Variants in UBE3C observed in about 807,000 individuals in gnomAD.
The protein encoded by UBE3C is ubiquitin-protein ligase E3C.
In UBE3C, 42 loss-of-function variants were observed where a neutral mutation model predicts 129.4. The observed-to-expected ratio is 0.32, with a 90% CI of 0.25 to 0.42. The LOEUF (loss-of-function observed/expected upper bound fraction) is 0.42, where lower values mean the gene tolerates loss of function less well. Ranked by LOEUF, UBE3C falls within the 10% of genes least tolerant of loss-of-function variation. The pLI, the probability that UBE3C is intolerant of heterozygous loss-of-function variation, is 1.00. For missense variants in UBE3C, 1,049 were observed against 1,319.1 expected (o/e 0.80, Z 3.17); for synonymous variants, 510 against 492.4 (o/e 1.04, Z -0.47).
chr7:157,143,141 A>G (rs889856802), intron 1 of UBE3C, among the ~76,000 whole-genome samples: 2 of 152,114 alleles, frequency 1.3e-5, no homozygotes, highest in Admixed American at 1.3e-4. Flanking sequence ...TGCTGGGATT[A>G]CAGGTATGAG....
At chr7:157,156,435 T>TA (rs1307219767) in intron 1 of UBE3C, among the ~76,000 whole-genome samples, 3 of 151,140 alleles carry the variant, frequency 2.0e-5, no homozygotes, top group Non-Finnish European at 4.4e-5. Context: ...GCCTTTCAAG[T>TA]AGCTGGGACT....
chr7:157,174,717 T>TA (rs1808468436), intron 4 of UBE3C, among the ~76,000 whole-genome samples: 1 of 152,126 alleles, frequency 6.6e-6, no homozygotes, highest in Non-Finnish European at 1.5e-5. Context: ...CTCCCAAAGT[T>TA]ACAGACGTGA....
chr7:157,219,412 T>C (rs553696533), intron 14 of UBE3C, among the ~76,000 whole-genome samples: 1 of 152,320 alleles, frequency 6.6e-6, no homozygotes, highest in East Asian at 1.9e-4. Context: ...GGCCTCTCAG[T>C]GATCGAGCAT....
chr7:157,197,509 G>GTTTT, intron 10 of UBE3C: 6 of 643,346 alleles, frequency 9.3e-6, no homozygotes, highest in South Asian at 4.4e-5. Context: ...AAAATAATTT[G>GTTTT]TTTTTTTTTT....
In UBE3C at chr7:157,155,661, T is replaced by G. The variant is rs147319704; in HGVS notation, c.67-8149T>G. On this transcript the variant is annotated intron_variant, in intron 1 of 22. Transcript: ENST00000348165. ...CTTTGTTACCACTAAATTTATTTAG[T>G]GAAGAAAGCATTTTCCCCCCATTTG... is the stretch of plus-strand genomic sequence containing the variant. Among the ~76,000 whole-genome samples, 697 of 152,336 alleles carry G rather than the reference T, an allele frequency of 4.6e-3. 5 individuals are homozygous for G. Among genetic ancestry groups the G allele is most frequent in the Non-Finnish European group, 7.9e-3 (538 of 68,028 alleles).
chr7:157,175,152 T>A (rs1808484380), intron 5 of UBE3C, 118 bp downstream of exon 5: 1 of 674,192 alleles, frequency 1.5e-6, no homozygotes. Context: ...TTTTTTTTTT[T>A]TTTTTTGAGG....
chr7:157,183,159 C>T (rs1219334278), intron 8 of UBE3C, among the ~76,000 whole-genome samples: 1 of 152,114 alleles, frequency 6.6e-6, no homozygotes. Context: ...ACTAGGTATT[C>T]TACAATTCAG....
At chr7:157,166,128 T>G (rs535527166) in intron 2 of UBE3C, among the ~76,000 whole-genome samples, 2 of 152,356 alleles carry the variant, frequency 1.3e-5, no homozygotes, top group East Asian at 3.9e-4. Context: ...ACCAATACTT[T>G]GAATATTTTA....
intron 13 of UBE3C, among the ~76,000 whole-genome samples, chr7:157,209,387 T>C (rs1563057155): frequency 6.6e-6 from 1 of 152,254 alleles, no homozygotes; most frequent in Non-Finnish European, 1.5e-5. Flanking sequence ...GCACAATTTA[T>C]TTTAATTACC....
rs1481375170 is a variant in UBE3C, at chr7:157,181,590, G to A, written c.689G>A (p.Arg230Gln). 3.1e-6 allele frequency: 5 copies of A among 1,613,580 alleles called. No individual in the cohort carries two copies. The African/African-American group carries it at 5.3e-5, about 17-fold the overall frequency. The change falls in exon 7 of 23, where the codon CGA (arginine) becomes CAA (glutamine). Residue 230 changes from arginine to glutamine, a missense_variant. By Grantham distance (43) the Arg-to-Gln change is conservative. Around this residue, in one of 4 missense-constraint regions of UBE3C, gnomAD observed 489 missense variants for 513.8 expected, o/e 0.95. Transcript: ENST00000348165. The part of the protein sequence containing the change: ...PSSIEYSDLS[R>Q]VPIAKILLEN... ...AGTATTGAATATTCTGATTTATCTC[G>A]AGTTCCTATAGCAAAAATTTTGCTA...
At chr7:157,254,404 T>TTA (rs1181506224) in intron 21 of UBE3C, 94 bp downstream of exon 21, 212 of 754,962 alleles carry the variant, frequency 2.8e-4, no homozygotes, top group African/African-American at 9.7e-4. Flanking sequence ...ATTTATTTAT[T>TTA]TTTTTTTTTT....
At chr7:157,253,434 C>G (rs1427802582) in intron 19 of UBE3C, among the ~76,000 whole-genome samples, 4 of 152,160 alleles carry the variant, frequency 2.6e-5, no homozygotes, top group Non-Finnish European at 5.9e-5. Flanking sequence ...ATTGGCTGAT[C>G]TGTTATCACT....
At chr7:157,173,975 G>A (rs1475630708) in intron 4 of UBE3C, among the ~76,000 whole-genome samples, 3 of 152,128 alleles carry the variant, frequency 2.0e-5, no homozygotes, top group African/African-American at 4.8e-5. Context: ...GTTTAATAAC[G>A]TTTTATGGCA....
At chr7:157,161,748 C>G (rs992175810) in intron 1 of UBE3C, among the ~76,000 whole-genome samples, 3 of 152,084 alleles carry the variant, frequency 2.0e-5, no homozygotes, top group Non-Finnish European at 2.9e-5. Flanking sequence ...GCCATTGCGC[C>G]AAGTCTGGCT....
chr7:157,243,561 G>A (rs1796400455), intron 18 of UBE3C, among the ~76,000 whole-genome samples: 2 of 152,172 alleles, frequency 1.3e-5, no homozygotes, highest in East Asian at 1.9e-4. Context: ...TGAGGCCCAC[G>A]GCCTGGCCCC....
At chr7:157,250,964 G>A (rs1335590638) in intron 19 of UBE3C, among the ~76,000 whole-genome samples, 2 of 152,150 alleles carry the variant, frequency 1.3e-5, no homozygotes, top group African/African-American at 4.8e-5. Flanking sequence ...AAGCACTGCC[G>A]ATAATACTGG....
intron 10 of UBE3C, chr7:157,197,876 ATCC>A (rs2116975295): frequency 5.0e-6 from 8 of 1,606,062 alleles, no homozygotes; most frequent in East Asian, 4.5e-5. Context: ...GTATTGATTT[ATCC>A]TCCTCTTCTG....
At chr7:157,201,657 TTAAGAAATG>T in intron 10 of UBE3C, 55 bp from the exon 11 acceptor site, 1 of 648,348 alleles carries the variant, frequency 1.5e-6, no homozygotes. Flanking sequence ...TTTTTTTTTT[TTAAGAAATG>T]TTTTGAATAA....
intron 18 of UBE3C, among the ~76,000 whole-genome samples, chr7:157,233,835 G>T (rs1169449415): frequency 6.6e-6 from 1 of 152,206 alleles, no homozygotes; most frequent in African/African-American, 2.4e-5. Flanking sequence ...GAAGGTTTCA[G>T]TGACTCCACA....
Sources: allele counts gnomAD v4.1 joint callset (sites outside exome capture counted in the v4.1 genomes callset), GRCh38; gene constraint gnomAD v4.1.1; regional missense constraint gnomAD v4.1.1; transcripts MANE v1.5; gene names NCBI Gene and HGNC (gene_info 2026-07-23, HGNC 2026-07-21).